The following NCAM1 variants were observed in gnomAD, a reference collection of about 807,000 sequenced individuals.
NCAM1 encodes antigen recognized by monoclonal antibody 5.1H11.
A neutral mutation model predicts 109.8 loss-of-function variants in NCAM1; 14 were observed. The observed-to-expected ratio is 0.13, with a 90% CI of 0.08 to 0.20. The LOEUF (loss-of-function observed/expected upper bound fraction) is 0.20. Among genes scored for constraint, NCAM1 ranks in the 10% least tolerant of loss-of-function variants. The probability of loss-of-function intolerance (pLI) is 1.00; values close to 1 mark genes in which losing one functional copy is unlikely to be tolerated. For synonymous variants in NCAM1, 418 were observed against 442.9 expected (o/e 0.94, Z 0.70); for missense variants, 774 against 1,109.9 (o/e 0.70, Z 4.30).
chr11:113,009,303 T>G (rs1434375509), intron 1 of NCAM1, among the ~76,000 whole-genome samples: 3 of 140,766 alleles, frequency 2.1e-5, no homozygotes, highest in Non-Finnish European at 4.6e-5. Flanking sequence ...ATTGGAAGGG[T>G]TTTTTCGGGT....
chr11:113,157,332 C>T (rs1193006233), intron 1 of NCAM1, among the ~76,000 whole-genome samples: 1 of 152,152 alleles, frequency 6.6e-6, no homozygotes, highest in Non-Finnish European at 1.5e-5. Flanking sequence ...TGCACACATC[C>T]AAGTTGAAAA....
intron 1 of NCAM1, among the ~76,000 whole-genome samples, chr11:113,061,656 A>T (rs1289288627): frequency 2.0e-5 from 3 of 152,212 alleles, no homozygotes; most frequent in African/African-American, 7.2e-5. Flanking sequence ...AATACGTGGA[A>T]CTCACATCCT....
intron 1 of NCAM1, among the ~76,000 whole-genome samples, chr11:113,190,155 G>A (rs1232157314): frequency 6.6e-6 from 1 of 152,188 alleles, no homozygotes; most frequent in East Asian, 1.9e-4. Flanking sequence ...TAGCAACCTT[G>A]AGAGCAGCCA....
At chr11:112,992,163 C>CT (rs1951475314) in intron 1 of NCAM1, among the ~76,000 whole-genome samples, 1 of 151,934 alleles carries the variant, frequency 6.6e-6, no homozygotes, top group Non-Finnish European at 1.5e-5. Flanking sequence ...TTAAAGAAGC[C>CT]TGTTATTCAA....
chr11:113,045,759 A>G (rs189083374), intron 1 of NCAM1, among the ~76,000 whole-genome samples: 82 of 152,352 alleles, frequency 5.4e-4, no homozygotes, highest in African/African-American at 1.9e-3. Context: ...CTTCTAAAAT[A>G]GGCCAGCATG....
Position 113,233,323 on chromosome 11 carries a change from T to A in NCAM1, c.1693+6T>A. The A allele has an allele frequency of 6.2e-7, 1 of 1,610,188 alleles. No individual in the cohort carries two copies. Among genetic ancestry groups the A allele is most frequent in the African/African-American group, 1.3e-5 (1 of 74,982 alleles). ...GTGGTATGATGCCAAGGAAGGTGAG[T>A]TGGGCGAGTTGGTGTTTCCATTGGG... On this transcript the variant is annotated splice_donor_region_variant and intron_variant, in intron 13 of 19. Coordinates refer to ENST00000316851, the MANE Select transcript of NCAM1 (RefSeq NM_181351.5). This position sits in a 1 kb window ranked among gnomAD's most constrained non-coding sequence, Gnocchi z 4.5.
At chr11:113,221,368 C>T in intron 9 of NCAM1, 43 bp downstream of exon 9, 1 of 1,553,236 alleles carries the variant, frequency 6.4e-7, no homozygotes, top group Non-Finnish European at 8.7e-7. Flanking sequence ...GTTTTGAAAG[C>T]ATTACAGTTT....
Position 113,052,345 on chromosome 11 carries a change from AG to A in NCAM1, c.52+90682del, listed in dbSNP as rs550629420. Among the ~76,000 whole-genome samples, 211 of 152,360 alleles carry A rather than the reference AG, an allele frequency of 1.4e-3. 2 individuals are homozygous for A. The highest frequency in any genetic ancestry group is 3.4e-3 in the Middle Eastern group (1 of 294). On this transcript the variant is annotated intron_variant, in intron 1 of 19. Transcript: ENST00000316851. ...GAGTTTGAAGAACCCTTGAGCTGTG[AG>A]AAGCAGATTTGGTATTTCTCAGAAA...
chr11:113,266,779 C>A (rs143969795), intron 17 of NCAM1, among the ~76,000 whole-genome samples: 1 of 152,156 alleles, frequency 6.6e-6, no homozygotes, highest in Non-Finnish European at 1.5e-5. Flanking sequence ...TGGGACCTAC[C>A]GAGCATTTTG....
At chr11:113,062,776 A>G (rs1555083629) in intron 1 of NCAM1, among the ~76,000 whole-genome samples, 1 of 152,130 alleles carries the variant, frequency 6.6e-6, no homozygotes. Context: ...GTTCGAGACC[A>G]GTCTGGGCAA....
chr11:112,967,470 C>T (rs2134491831), intron 1 of NCAM1, among the ~76,000 whole-genome samples: 1 of 152,316 alleles, frequency 6.6e-6, no homozygotes, highest in African/African-American at 2.4e-5. Flanking sequence ...AAACCCCAGA[C>T]ATATCCCTTA....
chr11:113,170,033 T>C (rs782436007), intron 1 of NCAM1, among the ~76,000 whole-genome samples: 9 of 152,224 alleles, frequency 5.9e-5, no homozygotes, highest in Non-Finnish European at 1.0e-4. Context: ...TACAACTCTT[T>C]TGTAGATCAA....
chr11:113,219,070 A>G (rs1944612677), intron 8 of NCAM1, among the ~76,000 whole-genome samples: 1 of 152,230 alleles, frequency 6.6e-6, no homozygotes, highest in African/African-American at 2.4e-5. Context: ...GCCTCTTTGA[A>G]CATCTCTATG....
At chr11:113,062,136 C>T (rs569012366) in intron 1 of NCAM1, among the ~76,000 whole-genome samples, 2 of 152,286 alleles carry the variant, frequency 1.3e-5, no homozygotes, top group East Asian at 3.9e-4. Flanking sequence ...ATAAAATTTA[C>T]CACTAGCGAT....
intron 1 of NCAM1, among the ~76,000 whole-genome samples, chr11:113,137,912 A>G (rs1941660448): frequency 6.6e-6 from 1 of 152,200 alleles, no homozygotes; most frequent in Non-Finnish European, 1.5e-5. Flanking sequence ...CAAAGGCGAC[A>G]AGGGAGGGGC....
intron 1 of NCAM1, among the ~76,000 whole-genome samples, chr11:113,140,902 T>G (rs1229381845): frequency 1.3e-5 from 2 of 152,054 alleles, no homozygotes; most frequent in Admixed American, 1.3e-4. Context: ...AGGATTTCAT[T>G]TTTTTTGTTT....
intron 17 of NCAM1, chr11:113,262,906 C>T: frequency 1.9e-6 from 3 of 1,613,858 alleles, no homozygotes; most frequent in Non-Finnish European, 2.5e-6. Flanking sequence ...TCTGCAGTGA[C>T]TCTTCTTTTG....
intron 1 of NCAM1, among the ~76,000 whole-genome samples, chr11:113,149,956 A>T (rs1555102126): frequency 6.6e-6 from 1 of 152,216 alleles, no homozygotes; most frequent in East Asian, 1.9e-4. Flanking sequence ...AAAATTGGGC[A>T]GCATATATGT....
chr11:113,198,612 A>C (rs547991711), intron 1 of NCAM1, among the ~76,000 whole-genome samples: 1 of 152,274 alleles, frequency 6.6e-6, no homozygotes, highest in Non-Finnish European at 1.5e-5. Context: ...AAGTGCTAGG[A>C]TTACAGGCGT....
Sources: allele counts gnomAD v4.1 joint callset (sites outside exome capture counted in the v4.1 genomes callset), GRCh38; gene constraint gnomAD v4.1.1; non-coding constraint Gnocchi (gnomAD v3.1); transcripts MANE v1.5; gene names NCBI Gene and HGNC (gene_info 2026-07-23, HGNC 2026-07-21).